The following SLC25A43 variants were observed in gnomAD, a reference collection of about 807,000 sequenced individuals.
SLC25A43 encodes solute carrier family 25, member 43.
Under a neutral mutation model 22.8 loss-of-function variants are expected in SLC25A43, and 10 were observed. The ratio of observed to expected loss-of-function variants is 0.44; its 90% confidence interval spans 0.27 to 0.74. The LOEUF (loss-of-function observed/expected upper bound fraction) is 0.74, where lower values mean the gene tolerates loss of function less well. SLC25A43 is among the 30% of genes least tolerant of loss of function. The pLI, the probability that SLC25A43 is intolerant of heterozygous loss-of-function variation, is 0.17. For missense variants in SLC25A43, 233 were observed against 279.1 expected (o/e 0.83, Z 1.18); for synonymous variants, 106 against 121.6 (o/e 0.87, Z 0.84).
chrX:119,424,130 G>T (rs867388715), intron 3 of SLC25A43, among the ~76,000 whole-genome samples: 81 of 107,140 alleles, frequency 7.6e-4, no homozygotes, highest in African/African-American at 2.4e-3. Flanking sequence ...GGAGAATGCC[G>T]CGAACCTGGG....
chrX:119,447,233 C>T (rs758330325), intron 3 of SLC25A43, among the ~76,000 whole-genome samples: 2 of 111,425 alleles, frequency 1.8e-5, no homozygotes, highest in African/African-American at 6.5e-5. Flanking sequence ...GAATTACAGG[C>T]GTGAGCCACC....
chrX:119,421,269 G>A (rs1408053896), intron 3 of SLC25A43, among the ~76,000 whole-genome samples: 1 of 111,780 alleles, frequency 8.9e-6, no homozygotes, highest in Non-Finnish European at 1.9e-5. Flanking sequence ...AGCCAGTAGA[G>A]GCTGTGGCCA....
chrX:119,444,309 T>G (rs56064010), intron 3 of SLC25A43, among the ~76,000 whole-genome samples: 25,009 of 110,689 alleles, frequency 0.23, 2,330 homozygotes, highest in African/African-American at 0.34. Flanking sequence ...ACTAATAATG[T>G]CTAATATTAT....
At chrX:119,452,507 A>C (rs1256246074) in intron 4 of SLC25A43, among the ~76,000 whole-genome samples, 10 of 109,405 alleles carry the variant, frequency 9.1e-5, no homozygotes, top group African/African-American at 2.3e-4. Flanking sequence ...AAAAAAAAAA[A>C]CAAAAACAAA....
At chrX:119,429,815 G>C (rs1241637044) in intron 3 of SLC25A43, among the ~76,000 whole-genome samples, 3 of 111,925 alleles carry the variant, frequency 2.7e-5, no homozygotes, top group Non-Finnish European at 5.6e-5. Flanking sequence ...TGTTTATTCT[G>C]ATCAATAAGA....
At chrX:119,405,171 T>A (rs2052278872) in intron 1 of SLC25A43, among the ~76,000 whole-genome samples, 1 of 112,177 alleles carries the variant, frequency 8.9e-6, no homozygotes, top group Non-Finnish European at 1.9e-5. Flanking sequence ...CCACATCACC[T>A]TTACTTCCCT....
intron 1 of SLC25A43, among the ~76,000 whole-genome samples, chrX:119,405,365 T>C (rs951691842): frequency 9.0e-6 from 1 of 110,591 alleles, no homozygotes; most frequent in Non-Finnish European, 1.9e-5. Flanking sequence ...CCCACTCTTA[T>C]TTCTCATGCA....
In SLC25A43 at chrX:119,452,043, T is replaced by A. The variant is rs766834846; in HGVS notation, c.725T>A (p.Val242Glu). The A allele has an allele frequency of 8.3e-7, 1 of 1,207,364 alleles. No individual in the cohort carries two copies. The highest frequency in any genetic ancestry group is 1.8e-5 in the African/African-American group (1 of 56,584). ...CCCTACCTCCCACACAGTGGAGGAG[T>A]AGATGTCCATTTCTCAGGAGCAGTG... Reference protein sequence around the residue: ...QSPYLPHSGGVDVHFSGAVDC... With the variant: ...QSPYLPHSGGEDVHFSGAVDC... The change falls in exon 4 of 5, where the codon GTA becomes GAA. Residue 242 changes from valine (V) to glutamate (E), a missense_variant. Val to Glu is a moderately radical substitution (Grantham distance 121, BLOSUM62 -2). Coordinates refer to ENST00000217909, the MANE Select transcript of SLC25A43 (RefSeq NM_145305.3).
At chrX:119,412,230 C>A (rs2052356339) in intron 3 of SLC25A43, among the ~76,000 whole-genome samples, 1 of 112,074 alleles carries the variant, frequency 8.9e-6, no homozygotes, top group African/African-American at 3.2e-5. Flanking sequence ...CCTTTCCTGT[C>A]CTTGTCCAAA....
At position 119,451,693 on chromosome X, in the gene SLC25A43, G is replaced by A. The variant is rs144348765; in HGVS notation, c.691-316G>A. Reference sequence around the variant, plus strand: ...AATACTTTAAAAAGGCTAAGGGCATGGGATTATGTTTATCATGTCCAGAAG... The same window carrying A: ...AATACTTTAAAAAGGCTAAGGGCATAGGATTATGTTTATCATGTCCAGAAG... On this transcript the variant is annotated intron_variant, in intron 3 of 4. Coordinates refer to ENST00000217909, the MANE Select transcript of SLC25A43 (RefSeq NM_145305.3). 2.1e-3 allele frequency among the ~76,000 whole-genome samples: 234 copies of A among 112,118 alleles called. 2 individuals are homozygous for A. Among genetic ancestry groups the A allele is most frequent in the African/African-American group, 7.4e-3 (228 of 30,886 alleles).
At chrX:119,433,093 G>A (rs1418991449) in intron 3 of SLC25A43, among the ~76,000 whole-genome samples, 3 of 111,396 alleles carry the variant, frequency 2.7e-5, no homozygotes, top group Admixed American at 1.9e-4. Context: ...GCGAAACTCC[G>A]TCTCAAAAAA....
At chrX:119,423,695 GTGA>G (rs1314025720) in intron 3 of SLC25A43, 2 of 110,852 alleles carry the variant, frequency 1.8e-5, no homozygotes, top group Non-Finnish European at 3.8e-5. Context: ...GTTAAGGGAA[GTGA>G]TGACAAGAAA....
intron 3 of SLC25A43, among the ~76,000 whole-genome samples, chrX:119,445,394 T>C (rs1322199622): frequency 1.8e-5 from 2 of 112,296 alleles, no homozygotes; most frequent in Admixed American, 9.5e-5. Context: ...AATGTCCTTA[T>C]AGTTGGGGGT....
Position 119,406,722 on chromosome X carries a change from T to C in SLC25A43, c.517+21T>C. ...TGTAGGTAAGATGGACCTTTTCACC[T>C]TGTCCAAGAAAAGGCTATGTTCTCT... On this transcript the variant is annotated intron_variant, in intron 2 of 4. Coordinates refer to ENST00000217909, the MANE Select transcript of SLC25A43 (RefSeq NM_145305.3). 4 of 1,202,943 alleles carry C rather than the reference T, an allele frequency of 3.3e-6. No individual in the cohort carries two copies. The South Asian group carries it at 7.2e-5, about 22-fold the overall frequency.
intron 3 of SLC25A43, among the ~76,000 whole-genome samples, chrX:119,445,024 T>C (rs376238747): frequency 1.5e-5 from 1 of 65,879 alleles, no homozygotes; most frequent in East Asian, 5.0e-4. Context: ...GGTGACAGAG[T>C]AAGACCCTGT....
Position 119,399,602 on chromosome X carries a change from G to A in SLC25A43, c.199G>A (p.Ala67Thr), listed in dbSNP as rs2052218352. Residue 67 changes from alanine to threonine, a missense_variant, in exon 1 of 5, where the codon GCC becomes ACC. Physicochemically the swap from Ala to Thr is moderately conservative, Grantham distance 58 (BLOSUM62 0). Coordinates refer to ENST00000217909, the MANE Select transcript of SLC25A43 (RefSeq NM_145305.3). The part of the protein sequence containing the change: ...HRVWRAEGLR[A>T]LWKGNAVACL... ...GGTGTGGCGGGCAGAGGGGCTCCGG[G>A]CCCTGTGGAAGGGGAACGCGGTGGC... 9.6e-7 allele frequency: 1 copy of A among 1,037,866 alleles called. No homozygotes were observed. 85.5% of individuals were successfully genotyped at this position (1,037,866 alleles called of 1,213,427 possible).
chrX:119,443,356 G>A (rs1460595593), intron 3 of SLC25A43, among the ~76,000 whole-genome samples: 1 of 110,746 alleles, frequency 9.0e-6, no homozygotes, highest in East Asian at 2.8e-4. Context: ...CTGACCTCAG[G>A]TGATCTACTT....
At chrX:119,451,819 G>A (rs1316156973) in intron 3 of SLC25A43, 190 bp from the exon 4 acceptor site, 4 of 1,060,866 alleles carry the variant, frequency 3.8e-6, no homozygotes, top group Non-Finnish European at 4.9e-6. Flanking sequence ...AGGGTATCAT[G>A]ATTGTATTGC....
intron 3 of SLC25A43, chrX:119,434,459 G>A (rs2052580890): frequency 9.3e-6 from 1 of 106,962 alleles, no homozygotes; most frequent in Admixed American, 1.0e-4. Flanking sequence ...GAAGGGTTTT[G>A]TGACCCTTTA....
Sources: allele counts gnomAD v4.1 joint callset (sites outside exome capture counted in the v4.1 genomes callset), GRCh38; gene constraint gnomAD v4.1.1; transcripts MANE v1.5; gene names NCBI Gene and HGNC (gene_info 2026-07-23, HGNC 2026-07-21).